Variants in TENM2 observed in about 807,000 individuals in gnomAD.
The protein encoded by TENM2 is teneurin transmembrane protein 2.
A neutral mutation model predicts 245.2 loss-of-function variants in TENM2; 52 were observed. That is an observed-to-expected ratio of 0.21 (90% CI 0.17 to 0.27). The LOEUF is 0.27. TENM2 is among the 10% of genes least tolerant of loss of function. TENM2 has a pLI of 1.00. For missense variants in TENM2, 3,046 were observed against 3,666.8 expected (o/e 0.83, Z 4.37); for synonymous variants, 1,363 against 1,438.9 (o/e 0.95, Z 1.19).
chr5:167,873,040 ATTGATTGTGAGTT>A (rs1201617928), intron 2 of TENM2, among the ~76,000 whole-genome samples: 3 of 152,238 alleles, frequency 2.0e-5, no homozygotes, highest in African/African-American at 7.2e-5. Flanking sequence ...TTTAAAGCCT[ATTGATTGTGAGTT>A]AAAATCTGTT....
At chr5:168,259,372 G>A (rs1297048513) in intron 27 of TENM2, among the ~76,000 whole-genome samples, 2 of 152,102 alleles carry the variant, frequency 1.3e-5, no homozygotes, top group African/African-American at 4.8e-5. Flanking sequence ...CGGATCACCT[G>A]AGGTCGGGAG....
intron 2 of TENM2, among the ~76,000 whole-genome samples, chr5:167,866,253 C>T (rs1366437343): frequency 6.6e-6 from 1 of 152,198 alleles, no homozygotes; most frequent in South Asian, 2.1e-4. Context: ...AATCCCAGGA[C>T]TTTGGGAGAC....
At chr5:168,025,230 G>A (rs528425546) in intron 5 of TENM2, among the ~76,000 whole-genome samples, 3 of 152,306 alleles carry the variant, frequency 2.0e-5, no homozygotes, top group South Asian at 2.1e-4. Context: ...ATGTGATCAG[G>A]TTTCTGAAAC....
the TENM2 span, among the ~76,000 whole-genome samples, chr5:167,128,150 G>A: frequency 2.0e-5 from 3 of 152,162 alleles, no homozygotes; most frequent in East Asian, 1.9e-4. Flanking sequence ...CTCTTCTAAG[G>A]AGTTGCTTTG....
At chr5:168,238,234 GAAA>G (rs1224184271) in intron 25 of TENM2, among the ~76,000 whole-genome samples, 284 of 90,846 alleles carry the variant, frequency 3.1e-3, no homozygotes, top group South Asian at 6.8e-3. Context: ...GAAAAGAAAA[GAAA>G]AGAAAAGAAA....
At chr5:167,602,359 C>G (rs536450117) in intron 2 of TENM2, among the ~76,000 whole-genome samples, 1 of 152,254 alleles carries the variant, frequency 6.6e-6, no homozygotes, top group South Asian at 2.1e-4. Flanking sequence ...TGGCCATCTG[C>G]AAGACAGAAC....
chr5:167,813,839 A>G (rs1766828683), intron 2 of TENM2, among the ~76,000 whole-genome samples: 1 of 152,156 alleles, frequency 6.6e-6, no homozygotes, highest in South Asian at 2.1e-4. Context: ...AACCTGTGCT[A>G]TAATCATCTT....
intron 2 of TENM2, among the ~76,000 whole-genome samples, chr5:167,562,134 G>T (rs1399303007): frequency 1.3e-5 from 2 of 152,148 alleles, no homozygotes; most frequent in East Asian, 3.9e-4. Context: ...GTCATTCAGG[G>T]CACACCATCC....
chr5:167,164,867 A>G, the TENM2 span: 1 of 152,218 alleles, frequency 6.6e-6, no homozygotes. Context: ...GCAGTCTTAT[A>G]TTACAATGTG....
chr5:167,669,477 G>T (rs186656821), intron 2 of TENM2, among the ~76,000 whole-genome samples: 1 of 152,096 alleles, frequency 6.6e-6, no homozygotes, highest in African/African-American at 2.4e-5. Flanking sequence ...TGGAGGAAGC[G>T]TAAAGAAAAA....
intron 2 of TENM2, among the ~76,000 whole-genome samples, chr5:167,661,397 TAGA>T (rs1208732646): frequency 1.3e-5 from 2 of 152,196 alleles, no homozygotes; most frequent in African/African-American, 4.8e-5. Flanking sequence ...AATCTATTTT[TAGA>T]AGAAGTAGTA....
chr5:167,681,504 C>T (rs1422350968), intron 2 of TENM2, among the ~76,000 whole-genome samples: 1 of 152,070 alleles, frequency 6.6e-6, no homozygotes, highest in African/African-American at 2.4e-5. Flanking sequence ...TTAATTTCTA[C>T]TGGACAGATA....
chr5:168,096,541 G>A (rs139298115), intron 8 of TENM2, among the ~76,000 whole-genome samples: 2 of 152,306 alleles, frequency 1.3e-5, no homozygotes, highest in Admixed American at 6.5e-5. Context: ...ACCAACTACA[G>A]TGTGGTTCTG....
chr5:166,983,695 A>G, the TENM2 span, among the ~76,000 whole-genome samples: 11 of 152,102 alleles, frequency 7.2e-5, no homozygotes, highest in Non-Finnish European at 1.6e-4. Context: ...TTCGTGGTAG[A>G]TGCTAAAGAA....
At chr5:167,754,325 A>AG (rs1762147848) in intron 2 of TENM2, among the ~76,000 whole-genome samples, 1 of 152,222 alleles carries the variant, frequency 6.6e-6, no homozygotes, top group South Asian at 2.1e-4. Flanking sequence ...ATCTATCTAA[A>AG]GGTAACCGAC....
chr5:168,058,716 A>AT (rs1789777546), intron 6 of TENM2, among the ~76,000 whole-genome samples: 1 of 152,136 alleles, frequency 6.6e-6, no homozygotes, highest in Non-Finnish European at 1.5e-5. Context: ...TGCCCACACT[A>AT]TTTTTTGTCT....
At chr5:167,859,611 G>T (rs1185523362) in intron 2 of TENM2, among the ~76,000 whole-genome samples, 3 of 109,680 alleles carry the variant, frequency 2.7e-5, no homozygotes, top group African/African-American at 7.7e-5. Flanking sequence ...GAGGTGGGGG[G>T]GTCAGCCCTC....
At chr5:167,091,312 C>T in the TENM2 span, among the ~76,000 whole-genome samples, 1 of 152,054 alleles carries the variant, frequency 6.6e-6, no homozygotes, top group Admixed American at 6.6e-5. Flanking sequence ...GGATAACTGT[C>T]ATTGAAAATA....
intron 5 of TENM2, among the ~76,000 whole-genome samples, chr5:168,000,121 C>T (rs1784323609): frequency 1.3e-5 from 2 of 152,224 alleles, no homozygotes; most frequent in South Asian, 4.1e-4. Context: ...GACTTCTTCA[C>T]ACACCCTACT....
Sources: gnomAD v4.1 joint callset for allele counts (sites outside exome capture counted in the v4.1 genomes callset) on GRCh38, gnomAD v4.1.1 for gene constraint, MANE v1.5 for transcripts, NCBI Gene and HGNC (gene_info 2026-07-23, HGNC 2026-07-21) for gene names.